Variants in SOX5 observed in about 807,000 individuals in gnomAD.
The protein encoded by SOX5 is transcription factor SOX-5.
In SOX5, 9 loss-of-function variants were observed where a neutral mutation model predicts 92.0. That is an observed-to-expected ratio of 0.10 (90% CI 0.06 to 0.17). SOX5 has a LOEUF of 0.17. Among genes scored for constraint, SOX5 ranks in the 10% least tolerant of loss-of-function variants. SOX5 has a pLI of 1.00. For missense variants in SOX5, 642 were observed against 944.5 expected (o/e 0.68, Z 4.20); for synonymous variants, 344 against 336.3 (o/e 1.02, Z -0.25).
intron 1 of SOX5, among the ~76,000 whole-genome samples, chr12:24,530,039 A>T (rs1951052744): frequency 6.6e-6 from 1 of 151,638 alleles, no homozygotes; most frequent in Non-Finnish European, 1.5e-5. Flanking sequence ...AAAAAAAAAA[A>T]AAGCCGTACA....
At chr12:24,467,460 G>C (rs963139549) in intron 1 of SOX5, among the ~76,000 whole-genome samples, 2 of 152,146 alleles carry the variant, frequency 1.3e-5, no homozygotes, top group Non-Finnish European at 2.9e-5. Context: ...GAGTTAGTCA[G>C]GCCAAGAAAG....
At chr12:24,236,829 A>C (rs991113580) in intron 3 of SOX5, among the ~76,000 whole-genome samples, 1 of 152,110 alleles carries the variant, frequency 6.6e-6, no homozygotes, top group Non-Finnish European at 1.5e-5. Context: ...GCATGAGTGC[A>C]GGTGAAAGTA....
At chr12:23,758,042 CTTCT>C (rs2094452952) in intron 3 of SOX5, among the ~76,000 whole-genome samples, 1 of 122,884 alleles carries the variant, frequency 8.1e-6, no homozygotes, top group Non-Finnish European at 1.7e-5. Context: ...AAAAGAATAA[CTTCT>C]TTAAGACTAA....
At chr12:24,151,665 CT>C (rs2138838216) in intron 4 of SOX5, among the ~76,000 whole-genome samples, 1 of 151,982 alleles carries the variant, frequency 6.6e-6, no homozygotes, top group South Asian at 2.1e-4. Context: ...AAGGCAACTC[CT>C]TTTTCCTGAA....
intron 8 of SOX5, among the ~76,000 whole-genome samples, chr12:23,617,577 G>C (rs887064731): frequency 6.6e-6 from 1 of 152,120 alleles, no homozygotes; most frequent in African/African-American, 2.4e-5. Context: ...GGGGTGGAGT[G>C]TTAGGAGGGT....
rs527407955 is a variant in SOX5, at chr12:24,399,428, G to C, written c.-250-30789C>G. Reference sequence around the variant, plus strand: ...GGAATTTTATTTCAAGACACAGGGAGTCCAGAAGATACTTAACAATAATTA... The same window carrying C: ...GGAATTTTATTTCAAGACACAGGGACTCCAGAAGATACTTAACAATAATTA... On this transcript the variant is annotated intron_variant, in intron 1 of 4. Transcript: ENST00000446891. Among the ~76,000 whole-genome samples the C allele has an allele frequency of 2.0e-5, 3 of 152,274 alleles. No individual in the cohort carries two copies. The South Asian group carries it at 6.2e-4, about 32-fold the overall frequency.
At chr12:24,254,487 C>G (rs535153122) in intron 3 of SOX5, among the ~76,000 whole-genome samples, 2 of 151,552 alleles carry the variant, frequency 1.3e-5, no homozygotes, top group African/African-American at 4.9e-5. Context: ...CTATATTAGC[C>G]TACAGTAGGG....
intron 3 of SOX5, among the ~76,000 whole-genome samples, chr12:24,236,575 C>T (rs1368903168): frequency 6.6e-5 from 10 of 152,196 alleles, no homozygotes; most frequent in Admixed American, 5.9e-4. Flanking sequence ...CTGATGTACA[C>T]AGGACTATTT....
At chr12:23,576,042 A>C (rs925679939) in intron 9 of SOX5, among the ~76,000 whole-genome samples, 2 of 152,246 alleles carry the variant, frequency 1.3e-5, no homozygotes, top group African/African-American at 4.8e-5. Context: ...CTTTTGTATA[A>C]GAGAAAGTAC....
chr12:23,674,234 T>C (rs911048642), intron 6 of SOX5, among the ~76,000 whole-genome samples: 1 of 150,062 alleles, frequency 6.7e-6, no homozygotes, highest in African/African-American at 2.5e-5. Context: ...AAAGTATAAA[T>C]CAAAATACAG....
chr12:23,613,012 A>T (rs573967299), intron 8 of SOX5, among the ~76,000 whole-genome samples: 1 of 152,236 alleles, frequency 6.6e-6, no homozygotes, highest in East Asian at 1.9e-4. Flanking sequence ...GTTTTTTCAC[A>T]TTATCATAGA....
intron 4 of SOX5, among the ~76,000 whole-genome samples, chr12:24,095,460 T>TTTAA (rs1041656240): frequency 2.0e-5 from 3 of 148,338 alleles, no homozygotes; most frequent in African/African-American, 2.5e-5. Context: ...TATTTATTTA[T>TTTAA]TTAATTTTAT....
chr12:23,685,628 TCC>T (rs144168250), intron 6 of SOX5, among the ~76,000 whole-genome samples: 2 of 142,690 alleles, frequency 1.4e-5, no homozygotes, highest in African/African-American at 5.2e-5. Flanking sequence ...ATCCTTTTTG[TCC>T]CCCCCCCCAA....
At chr12:24,411,297 C>T (rs1964030532) in intron 1 of SOX5, among the ~76,000 whole-genome samples, 1 of 151,730 alleles carries the variant, frequency 6.6e-6, no homozygotes, top group South Asian at 2.1e-4. Context: ...AATCCATATG[C>T]TTTTAATTAC....
intron 2 of SOX5, among the ~76,000 whole-genome samples, chr12:24,347,165 A>C (rs1354738443): frequency 6.6e-6 from 1 of 152,214 alleles, no homozygotes; most frequent in African/African-American, 2.4e-5. Flanking sequence ...CCAAAAAGCA[A>C]AACTTGCATT....
chr12:24,260,028 G>A (rs1941856730), intron 3 of SOX5, among the ~76,000 whole-genome samples: 1 of 152,180 alleles, frequency 6.6e-6, no homozygotes, highest in South Asian at 2.1e-4. Context: ...ACAAAGAGAT[G>A]TAGAAATAAA....
At chr12:24,535,674 A>G (rs2138715245) in intron 1 of SOX5, among the ~76,000 whole-genome samples, 1 of 152,372 alleles carries the variant, frequency 6.6e-6, no homozygotes, top group Middle Eastern at 3.4e-3. Context: ...CACTGTTGCT[A>G]GAGCATGAAG....
chr12:24,209,225 T>C (rs574046478), intron 4 of SOX5, among the ~76,000 whole-genome samples: 37 of 152,286 alleles, frequency 2.4e-4, no homozygotes, highest in Non-Finnish European at 4.0e-4. Flanking sequence ...CTAACTCTTA[T>C]GGGAGTGGAG....
At chr12:24,092,732 G>A (rs1330094234) in intron 4 of SOX5, among the ~76,000 whole-genome samples, 2 of 152,188 alleles carry the variant, frequency 1.3e-5, no homozygotes, top group Non-Finnish European at 2.9e-5. Flanking sequence ...GGACAAAAAT[G>A]TCCACAAATT....
Sources: allele counts gnomAD v4.1 joint callset (sites outside exome capture counted in the v4.1 genomes callset), GRCh38; gene constraint gnomAD v4.1.1; transcripts MANE v1.5; gene names NCBI Gene and HGNC (gene_info 2026-07-23, HGNC 2026-07-21).